Variants in CNOT6 observed in about 807,000 individuals in gnomAD.
CNOT6 encodes the protein carbon catabolite repression 4 protein.
Under a neutral mutation model 61.2 loss-of-function variants are expected in CNOT6, and 12 were observed. That is an observed-to-expected ratio of 0.20 (90% CI 0.13 to 0.32). The LOEUF (loss-of-function observed/expected upper bound fraction) is 0.32. Ranked by LOEUF, CNOT6 falls within the 10% of genes least tolerant of loss-of-function variation. The pLI is 1.00. For synonymous variants in CNOT6, 225 were observed against 240.6 expected, an observed-to-expected ratio of 0.94 and a Z score of 0.60; for missense variants, 405 against 663.9, an observed-to-expected ratio of 0.61 and a Z score of 4.28.
At chr5:180,495,562 C>G (rs140579588) in intron 1 of CNOT6, 1 of 152,170 alleles carries the variant, frequency 6.6e-6, no homozygotes, top group Non-Finnish European at 1.5e-5. Flanking sequence ...TCATCTCGCT[C>G]GAGCTCTTTG....
intron 4 of CNOT6, among the ~76,000 whole-genome samples, chr5:180,559,030 A>C (rs961738759): frequency 1.3e-5 from 2 of 152,218 alleles, no homozygotes; most frequent in Non-Finnish European, 2.9e-5. Flanking sequence ...AGTTTGTTTG[A>C]TGGCCTAGGA....
intron 4 of CNOT6, among the ~76,000 whole-genome samples, chr5:180,556,759 T>TG (rs1312283963): frequency 1.3e-5 from 2 of 152,210 alleles, no homozygotes; most frequent in Non-Finnish European, 2.9e-5. Flanking sequence ...GAGACCATCC[T>TG]GGCTAACATG....
intron 3 of CNOT6, 139 bp from the exon 4 acceptor site, chr5:180,553,247 A>T: frequency 2.2e-6 from 1 of 456,408 alleles, no homozygotes; most frequent in Non-Finnish European, 3.9e-6. Flanking sequence ...GTTATTTAAG[A>T]AACGCAGTAC....
chr5:180,543,525 G>C lies in CNOT6; in HGVS notation c.113-6406G>C, dbSNP rs1054201504. On this transcript the variant is annotated intron_variant, in intron 2 of 11. Coordinates refer to ENST00000261951, the MANE Select transcript of CNOT6 (RefSeq NM_001370472.1). ...GAATGAAACGTAATTCAGTATGCTCGATTCATGATCGTTTATATTTCTAAT... is the reference window on the plus strand; with the variant it reads ...GAATGAAACGTAATTCAGTATGCTCCATTCATGATCGTTTATATTTCTAAT... Among the ~76,000 whole-genome samples the C allele has an allele frequency of 2.0e-5, 3 of 152,138 alleles. No individual in the cohort carries two copies. In the South Asian group the frequency reaches 6.2e-4, roughly 31 times the overall value.
chr5:180,514,423 T>C (rs563370003), intron 1 of CNOT6, among the ~76,000 whole-genome samples: 4 of 152,280 alleles, frequency 2.6e-5, no homozygotes, highest in Non-Finnish European at 5.9e-5. Flanking sequence ...CTCCATCTTC[T>C]TCAAGTCTGC....
chr5:180,530,516 G>A (rs1758300449), intron 2 of CNOT6, among the ~76,000 whole-genome samples: 1 of 151,356 alleles, frequency 6.6e-6, no homozygotes, highest in South Asian at 2.1e-4. Flanking sequence ...CCATAGTAGA[G>A]GTCAGTACAC....
intron 1 of CNOT6, among the ~76,000 whole-genome samples, chr5:180,519,505 T>C (rs80326979): frequency 0.018 from 2,693 of 152,366 alleles, 72 homozygotes; most frequent in African/African-American, 0.06. Context: ...GGCCAAGTGT[T>C]AGAATATAGA....
intron 1 of CNOT6, among the ~76,000 whole-genome samples, chr5:180,513,629 C>T (rs1387016224): frequency 6.6e-6 from 1 of 152,028 alleles, no homozygotes; most frequent in Non-Finnish European, 1.5e-5. Flanking sequence ...GCCTCCGCCT[C>T]CCAAAGTGCT....
At chr5:180,531,035 C>G (rs1442199717) in intron 2 of CNOT6, among the ~76,000 whole-genome samples, 1 of 152,188 alleles carries the variant, frequency 6.6e-6, no homozygotes, top group Admixed American at 6.5e-5. Flanking sequence ...TTCTATTCGA[C>G]AAAACCGCCG....
rs946540708 is a variant in CNOT6, at chr5:180,575,856, A to G, written c.*1656A>G. ...ATACTCACTCTTACTAACAATTTTT[A>G]TACAGAAAATGAGTCATTTTGGAAA... On this transcript the variant is annotated 3_prime_UTR_variant, in exon 12 of 12. Coordinates refer to ENST00000261951, the MANE Select transcript of CNOT6 (RefSeq NM_001370472.1). The G allele has an allele frequency of 6.6e-6, 1 of 152,388 alleles. No homozygotes were observed. Among genetic ancestry groups the G allele is most frequent in the African/African-American group, 2.4e-5 (1 of 41,410 alleles). The allele number at this position is 152,388 out of a possible 1,614,324, so 9.4% of individuals were successfully genotyped here.
chr5:180,518,762 A>C (rs1056137578), intron 1 of CNOT6, among the ~76,000 whole-genome samples: 5 of 152,320 alleles, frequency 3.3e-5, no homozygotes, highest in African/African-American at 1.2e-4. Context: ...TGGCCTCCCA[A>C]AGTGCTGGGA....
chr5:180,560,138 G>C (rs1173861492), intron 4 of CNOT6, among the ~76,000 whole-genome samples: 2 of 151,672 alleles, frequency 1.3e-5, no homozygotes, highest in Non-Finnish European at 2.9e-5. Flanking sequence ...ATAGAGACGA[G>C]GTTTCACCAT....
At chr5:180,505,612 ATC>A (rs377111301) in intron 1 of CNOT6, among the ~76,000 whole-genome samples, 23,315 of 140,752 alleles carry the variant, frequency 0.17, 1,688 homozygotes, top group Non-Finnish European at 0.19. Context: ...CAGTGGCGCG[ATC>A]TCGGCTCACT....
At chr5:180,531,605 T>A (rs1233766470) in intron 2 of CNOT6, among the ~76,000 whole-genome samples, 1 of 152,106 alleles carries the variant, frequency 6.6e-6, no homozygotes, top group Admixed American at 6.5e-5. Context: ...GAGGCTGCAA[T>A]CTCAGCACTT....
chr5:180,550,472 CATTT>C (rs1759543110), intron 3 of CNOT6, among the ~76,000 whole-genome samples: 1 of 151,968 alleles, frequency 6.6e-6, no homozygotes, highest in Non-Finnish European at 1.5e-5. Context: ...AACAAAAAAA[CATTT>C]GTTGTGTTAG....
chr5:180,505,547 A>ATTT (rs386405833), intron 1 of CNOT6, among the ~76,000 whole-genome samples: 1,373 of 85,700 alleles, frequency 0.016, 115 homozygotes, highest in Middle Eastern at 0.03. Flanking sequence ...GTACTAGTTA[A>ATTT]TTTTTTTTTT....
chr5:180,515,979 C>T (rs753122526), intron 1 of CNOT6, among the ~76,000 whole-genome samples: 1 of 151,886 alleles, frequency 6.6e-6, no homozygotes, highest in Non-Finnish European at 1.5e-5. Flanking sequence ...GGCTTGATCT[C>T]ATCTCACTGC....
At chr5:180,573,561 G>T (rs577418993) in intron 11 of CNOT6, among the ~76,000 whole-genome samples, 11 of 25,718 alleles carry the variant, frequency 4.3e-4, no homozygotes, top group Middle Eastern at 0.019. Context: ...CAGTGTGTGT[G>T]TGTGTGTGTG....
chr5:180,545,303 AC>A (rs1759259676), intron 2 of CNOT6, among the ~76,000 whole-genome samples: 1 of 151,482 alleles, frequency 6.6e-6, no homozygotes, highest in African/African-American at 2.4e-5. Flanking sequence ...TTCCTTCCCC[AC>A]CTCTCCTGTT....
Sources: gnomAD v4.1 joint callset for allele counts (sites outside exome capture counted in the v4.1 genomes callset) on GRCh38, gnomAD v4.1.1 for gene constraint, MANE v1.5 for transcripts, NCBI Gene and HGNC (gene_info 2026-07-23, HGNC 2026-07-21) for gene names.